The following SHISA6 variants were observed in gnomAD, a reference collection of about 807,000 sequenced individuals.
The protein encoded by SHISA6 is protein shisa-6.
SHISA6 carries 22 observed loss-of-function variants against 47.9 expected under a neutral mutation model. The observed-to-expected ratio is 0.46, with a 90% CI of 0.33 to 0.66. The LOEUF is 0.66. SHISA6 is among the 30% of genes least tolerant of loss of function. The pLI is 0.02. For missense variants in SHISA6, 680 were observed against 764.6 expected (o/e 0.89, Z 1.30); for synonymous variants, 388 against 337.8 (o/e 1.15, Z -1.63).
intron 2 of SHISA6, among the ~76,000 whole-genome samples, chr17:11,360,260 G>A (rs1002712547): frequency 6.6e-6 from 1 of 152,132 alleles, no homozygotes; most frequent in African/African-American, 2.4e-5. Flanking sequence ...AGTGGGAGTT[G>A]AACAATGAGA....
At chr17:11,430,969 G>A (rs1914755893) in intron 3 of SHISA6, among the ~76,000 whole-genome samples, 1 of 152,222 alleles carries the variant, frequency 6.6e-6, no homozygotes, top group Non-Finnish European at 1.5e-5. Flanking sequence ...CTTTGTGGCT[G>A]GAATGGGCAT....
chr17:11,270,550 C>T (rs903694544), intron 2 of SHISA6, among the ~76,000 whole-genome samples: 2 of 152,236 alleles, frequency 1.3e-5, no homozygotes, highest in Admixed American at 6.5e-5. Context: ...AGGGCCAGAT[C>T]GTCAATATTT....
At chr17:11,476,088 C>T (rs1916044479) in intron 3 of SHISA6, among the ~76,000 whole-genome samples, 1 of 151,826 alleles carries the variant, frequency 6.6e-6, no homozygotes, top group Middle Eastern at 3.2e-3. Flanking sequence ...TTTCATAGTA[C>T]TTCTTTATTA....
intron 2 of SHISA6, among the ~76,000 whole-genome samples, chr17:11,301,269 T>C (rs1909917924): frequency 6.6e-6 from 1 of 152,142 alleles, no homozygotes; most frequent in Non-Finnish European, 1.5e-5. Flanking sequence ...GTTTATCTCC[T>C]GGGTGCGTTG....
intron 1 of SHISA6, among the ~76,000 whole-genome samples, chr17:11,251,841 ACT>A (rs1265725718): frequency 6.6e-6 from 1 of 151,856 alleles, no homozygotes; most frequent in African/African-American, 2.4e-5. Context: ...ATCCTGGGAC[ACT>A]CTTAATAGCC....
In SHISA6 at chr17:11,253,325, TTC is replaced by T. The variant is rs1363336765; in HGVS notation, c.639-10039_639-10038del. The stretch of plus-strand genomic sequence containing the variant: ...ACCTGGGCAAAGTTTTTTTTTTTTT[TTC>T]TTTGTCTGATAAAAATCTGTGATGA... On this transcript the variant is annotated intron_variant, in intron 1 of 5. Coordinates refer to ENST00000441885, the MANE Select transcript of SHISA6 (RefSeq NM_207386.4). Among the ~76,000 whole-genome samples the T allele has an allele frequency of 5.9e-5, 9 of 152,056 alleles. No individual in the cohort carries two copies. In the East Asian group the frequency reaches 1.7e-3, roughly 29 times the overall value.
intron 3 of SHISA6, among the ~76,000 whole-genome samples, chr17:11,534,521 T>A (rs1043430393): frequency 2.0e-5 from 3 of 152,090 alleles, no homozygotes; most frequent in African/African-American, 7.2e-5. Context: ...AAGAAATTAG[T>A]GTGTTAGAAG....
chr17:11,286,911 G>A (rs1909318934), intron 2 of SHISA6, among the ~76,000 whole-genome samples: 1 of 152,192 alleles, frequency 6.6e-6, no homozygotes, highest in Admixed American at 6.5e-5. Flanking sequence ...CTGAATGCCT[G>A]GGAATATGAA....
chr17:11,289,816 T>TTG (rs1232179080), intron 2 of SHISA6: 2 of 152,112 alleles, frequency 1.3e-5, no homozygotes, highest in Non-Finnish European at 2.9e-5. Context: ...CACTGAGTGC[T>TTG]TGTGCTCTCT....
chr17:11,396,239 G>C (rs1380342809), intron 3 of SHISA6, among the ~76,000 whole-genome samples: 1 of 152,038 alleles, frequency 6.6e-6, no homozygotes, highest in Non-Finnish European at 1.5e-5. Flanking sequence ...TAAATCCCAT[G>C]TTGTTTTATT....
At chr17:11,408,240 T>C (rs1256036112) in intron 3 of SHISA6, among the ~76,000 whole-genome samples, 1 of 151,906 alleles carries the variant, frequency 6.6e-6, no homozygotes, top group East Asian at 1.9e-4. Context: ...AGAATGTAAT[T>C]AAAAAAAAAT....
chr17:11,444,831 C>G (rs552600236), intron 3 of SHISA6, among the ~76,000 whole-genome samples: 1 of 152,250 alleles, frequency 6.6e-6, no homozygotes, highest in South Asian at 2.1e-4. Context: ...GGACTCTGAA[C>G]GTCCTGGCAA....
intron 3 of SHISA6, among the ~76,000 whole-genome samples, chr17:11,544,707 TC>T (rs2071866997): frequency 6.6e-6 from 1 of 152,108 alleles, no homozygotes; most frequent in South Asian, 2.1e-4. Flanking sequence ...ACACCTGTAA[TC>T]CCAGCACTTT....
intron 2 of SHISA6, among the ~76,000 whole-genome samples, chr17:11,345,579 A>T (rs1365158850): frequency 6.6e-6 from 1 of 152,138 alleles, no homozygotes; most frequent in East Asian, 1.9e-4. Flanking sequence ...TGCTATCTTA[A>T]CAATATTGTC....
chr17:11,412,479 G>A (rs1914147945), intron 3 of SHISA6, among the ~76,000 whole-genome samples: 1 of 151,582 alleles, frequency 6.6e-6, no homozygotes. Context: ...CCAAGATTCT[G>A]TTTACTCTCC....
At chr17:11,336,015 A>T (rs1911306959) in intron 2 of SHISA6, among the ~76,000 whole-genome samples, 1 of 150,556 alleles carries the variant, frequency 6.6e-6, no homozygotes, top group African/African-American at 2.5e-5. Context: ...TGGCTAAAAC[A>T]TGGTGAAACC....
intron 3 of SHISA6, among the ~76,000 whole-genome samples, chr17:11,470,932 G>A (rs988814144): frequency 2.6e-5 from 4 of 152,146 alleles, no homozygotes; most frequent in Admixed American, 6.5e-5. Flanking sequence ...GAAAGAGGCC[G>A]GGTGTGGTGG....
At chr17:11,245,765 C>T (rs979210931) in intron 1 of SHISA6, among the ~76,000 whole-genome samples, 3 of 149,108 alleles carry the variant, frequency 2.0e-5, no homozygotes, top group Non-Finnish European at 4.4e-5. Context: ...GGGTGGATAT[C>T]TAGGTGGGTG....
rs187180120 is a variant in SHISA6, at chr17:11,439,751, C to T, written c.895+60242C>T. On this transcript the variant is annotated intron_variant, in intron 3 of 5. Coordinates refer to ENST00000441885, the MANE Select transcript of SHISA6 (RefSeq NM_207386.4). Reference sequence around the variant, plus strand: ...TCTTCTTCCCTTTCTTCTAAGTAATCACATGCTTGCTCCTGAAAACTTCTG... The same window carrying T: ...TCTTCTTCCCTTTCTTCTAAGTAATTACATGCTTGCTCCTGAAAACTTCTG... Among the ~76,000 whole-genome samples the T allele has an allele frequency of 2.4e-3, 359 of 152,314 alleles. 7 individuals are homozygous for T. The highest frequency in any genetic ancestry group is 0.022 in the Admixed American group (336 of 15,304).
Sources: gnomAD v4.1 joint callset for allele counts (sites outside exome capture counted in the v4.1 genomes callset) on GRCh38, gnomAD v4.1.1 for gene constraint, MANE v1.5 for transcripts, NCBI Gene and HGNC (gene_info 2026-07-23, HGNC 2026-07-21) for gene names.